The following POFUT3 variants were observed in gnomAD, a reference collection of about 807,000 sequenced individuals.
POFUT3 encodes the protein GDP-fucose protein O-fucosyltransferase 3.
At chr8:33,347,954 G>A in the POFUT3 span, among the ~76,000 whole-genome samples, 1 of 152,184 alleles carries the variant, frequency 6.6e-6, no homozygotes, top group East Asian at 1.9e-4. Context: ...AAGGTGGGTG[G>A]ATCACTCAAG....
At chr8:33,403,463 C>T in the POFUT3 span, among the ~76,000 whole-genome samples, 9 of 152,112 alleles carry the variant, frequency 5.9e-5, no homozygotes, top group Non-Finnish European at 1.2e-4. Flanking sequence ...CACCTGTAAT[C>T]CCAGTACTTT....
the POFUT3 span, among the ~76,000 whole-genome samples, chr8:33,424,512 T>G: frequency 6.6e-6 from 1 of 152,174 alleles, no homozygotes; most frequent in South Asian, 2.1e-4. Flanking sequence ...GTCTGCATCG[T>G]TAGGGCCTTC....
At chr8:33,314,370 C>T in the POFUT3 span, among the ~76,000 whole-genome samples, 1 of 152,138 alleles carries the variant, frequency 6.6e-6, no homozygotes, top group Non-Finnish European at 1.5e-5. Flanking sequence ...TATTATTTGC[C>T]TTTCAAAGTC....
chr8:33,455,669 G>A, the POFUT3 span: 9 of 357,338 alleles, frequency 2.5e-5, no homozygotes, highest in African/African-American at 1.7e-4. Flanking sequence ...TTAAAGTAAG[G>A]CACATTTACA....
At chr8:33,415,214 A>G in the POFUT3 span, among the ~76,000 whole-genome samples, 1 of 152,182 alleles carries the variant, frequency 6.6e-6, no homozygotes, top group Non-Finnish European at 1.5e-5. Flanking sequence ...ATGAGCCAAG[A>G]TCACGTCACT....
chr8:33,308,650 A>G, the POFUT3 span, among the ~76,000 whole-genome samples: 54 of 152,298 alleles, frequency 3.5e-4, no homozygotes, highest in Middle Eastern at 3.4e-3. Flanking sequence ...TTCATCCTGC[A>G]CTGTTTCGGA....
the POFUT3 span, among the ~76,000 whole-genome samples, chr8:33,400,130 TAA>T: frequency 2.1e-4 from 24 of 114,884 alleles, no homozygotes; most frequent in Non-Finnish European, 2.5e-4. Context: ...TTAAGTTCAT[TAA>T]AAAAAAAAAA....
the POFUT3 span, among the ~76,000 whole-genome samples, chr8:33,462,554 A>G: frequency 6.6e-6 from 1 of 152,204 alleles, no homozygotes; most frequent in Admixed American, 6.5e-5. Flanking sequence ...GGGCTGTTGG[A>G]GCAATATTAT....
chr8:33,331,078 G>C, the POFUT3 span, among the ~76,000 whole-genome samples: 2 of 152,062 alleles, frequency 1.3e-5, no homozygotes, highest in African/African-American at 2.4e-5. Context: ...ATGGGCTCAC[G>C]CTTGTAATCC....
the POFUT3 span, among the ~76,000 whole-genome samples, chr8:33,404,804 T>C: frequency 6.6e-6 from 1 of 152,114 alleles, no homozygotes; most frequent in Admixed American, 6.6e-5. Flanking sequence ...ATTAAGGCGA[T>C]GGAAAACCTA....
the POFUT3 span, among the ~76,000 whole-genome samples, chr8:33,414,743 T>C: frequency 3.0e-4 from 46 of 152,276 alleles, no homozygotes; most frequent in African/African-American, 1.1e-3. Flanking sequence ...AATTTTGTGA[T>C]AATCTTCCTT....
At chr8:33,312,974 C>T in the POFUT3 span, among the ~76,000 whole-genome samples, 1 of 152,154 alleles carries the variant, frequency 6.6e-6, no homozygotes, top group Admixed American at 6.6e-5. Flanking sequence ...TTTATTCACT[C>T]ATTCTATGAT....
At chr8:33,436,138 G>A in the POFUT3 span, 1,117 of 1,211,564 alleles carry the variant, frequency 9.2e-4, 9 homozygotes, top group African/African-American at 0.016. Context: ...AGGAAGAGAA[G>A]GTCTCAACTT....
chr8:33,439,134 G>A, the POFUT3 span, among the ~76,000 whole-genome samples: 1 of 152,162 alleles, frequency 6.6e-6, no homozygotes, highest in African/African-American at 2.4e-5. Flanking sequence ...AGCTGGGAGT[G>A]GTGGCTCACG....
At chr8:33,409,420 C>T in the POFUT3 span, among the ~76,000 whole-genome samples, 22 of 152,192 alleles carry the variant, frequency 1.4e-4, 1 homozygote, top group Admixed American at 1.4e-3. Flanking sequence ...TGGTCATTTT[C>T]AACTCTCATT....
At chr8:33,408,519 G>C in the POFUT3 span, among the ~76,000 whole-genome samples, 11 of 152,028 alleles carry the variant, frequency 7.2e-5, no homozygotes, top group African/African-American at 2.7e-4. Context: ...GAAGAAAAAT[G>C]TTCAGGACCT....
chr8:33,439,860 C>G, the POFUT3 span, among the ~76,000 whole-genome samples: 40 of 151,890 alleles, frequency 2.6e-4, no homozygotes, highest in East Asian at 1.9e-4. Context: ...GAGTGAGACT[C>G]TGTCTCAAAA....
At chr8:33,415,578 G>A in the POFUT3 span, among the ~76,000 whole-genome samples, 1 of 152,134 alleles carries the variant, frequency 6.6e-6, no homozygotes, top group Non-Finnish European at 1.5e-5. Flanking sequence ...TACACTCCCA[G>A]CCAGGTGACA....
chr8:33,421,944 G>GA, the POFUT3 span, among the ~76,000 whole-genome samples: 11,824 of 149,562 alleles, frequency 0.079, 726 homozygotes, highest in African/African-American at 0.16. Context: ...CTCCTAAAAG[G>GA]AAAAAAGAAC....
Sources: gnomAD v4.1 joint callset for allele counts (sites outside exome capture counted in the v4.1 genomes callset) on GRCh38, gnomAD v4.1.1 for gene constraint, MANE v1.5 for transcripts, NCBI Gene and HGNC (gene_info 2026-07-23, HGNC 2026-07-21) for gene names.